The following FBXO32 variants were observed in gnomAD, a reference collection of about 807,000 sequenced individuals.
The protein encoded by FBXO32 is F-box only protein 32.
Under a neutral mutation model 48.3 loss-of-function variants are expected in FBXO32, and 15 were observed. The ratio of observed to expected loss-of-function variants is 0.31; its 90% CI spans 0.21 to 0.48. The LOEUF (loss-of-function observed/expected upper bound fraction) is 0.48. Ranked by LOEUF, FBXO32 falls within the 20% of genes least tolerant of loss-of-function variation. The probability of loss-of-function intolerance (pLI) is 0.99; values close to 1 mark genes in which losing one functional copy is unlikely to be tolerated. For missense variants in FBXO32, 309 were observed against 432.7 expected (o/e 0.71, Z 2.54); for synonymous variants, 154 against 165.9 (o/e 0.93, Z 0.55).
chr8:123,526,681 T>C (rs1447115621), intron 4 of FBXO32, among the ~76,000 whole-genome samples: 1 of 152,208 alleles, frequency 6.6e-6, no homozygotes, highest in East Asian at 1.9e-4. Context: ...CACATTTTCC[T>C]TGAAGTCTTT....
chr8:123,521,667 G>T lies in FBXO32; in HGVS notation c.373-7334C>A, dbSNP rs181647849. 2.0e-5 allele frequency among the ~76,000 whole-genome samples: 3 copies of T among 152,130 alleles called. No individual in the cohort carries two copies. The East Asian group carries it at 5.8e-4, about 29-fold the overall frequency. The stretch of plus-strand genomic sequence containing the variant: ...TGCTCTATCATTCTCATACAGAATT[G>T]TTAAGAATGAGAACACAATTTATCC... On this transcript the variant is annotated intron_variant, in intron 4 of 8. Coordinates refer to ENST00000517956, the MANE Select transcript of FBXO32 (RefSeq NM_058229.4).
intron 1 of FBXO32, among the ~76,000 whole-genome samples, chr8:123,535,207 T>A (rs1817287055): frequency 6.6e-6 from 1 of 152,140 alleles, no homozygotes; most frequent in South Asian, 2.1e-4. Flanking sequence ...AATGCCTTCA[T>A]TTTGCAAAAG....
intron 4 of FBXO32, among the ~76,000 whole-genome samples, chr8:123,520,949 C>A (rs1240963593): frequency 6.6e-6 from 1 of 152,198 alleles, no homozygotes; most frequent in Non-Finnish European, 1.5e-5. Flanking sequence ...CACCTCTGGG[C>A]CTTTGCCTCT....
chr8:123,532,030 T>G (rs773805423), intron 3 of FBXO32, 40 bp from the exon 4 acceptor site: 3 of 1,611,636 alleles, frequency 1.9e-6, no homozygotes, highest in Non-Finnish European at 2.5e-6. Context: ...ACTCCTGCCA[T>G]GCAGAGGTCA....
chr8:123,514,288 T>C lies in FBXO32; in HGVS notation c.418A>G (p.Ile140Val), dbSNP rs762498343. The C allele has an allele frequency of 6.2e-7, 1 of 1,613,620 alleles. No homozygotes were observed. Among genetic ancestry groups the C allele is most frequent in the South Asian group, 1.1e-5 (1 of 90,860 alleles). Residue 140 changes from isoleucine to valine, a missense_variant, in exon 5 of 9, where the codon ATC becomes GTC. Physicochemically the swap from Ile to Val is conservative, Grantham distance 29. Coordinates refer to ENST00000517956, the MANE Select transcript of FBXO32 (RefSeq NM_058229.4). ...ATATTCATGAAGTTCTTTTGGGCGATGCCACTCAGGGATGTGAGCTGTGAC... is the reference window on the plus strand; with the variant it reads ...ATATTCATGAAGTTCTTTTGGGCGACGCCACTCAGGGATGTGAGCTGTGAC... ...AKSQLTSLSGIAQKNFMNILE... is the reference protein window; with the variant it reads ...AKSQLTSLSGVAQKNFMNILE...
rs1245305173 is a variant in FBXO32, at chr8:123,517,472, C to T, written c.373-3139G>A. Among the ~76,000 whole-genome samples the T allele has an allele frequency of 3.8e-5, 5 of 131,364 alleles. No individual in the cohort carries two copies. In the East Asian group the frequency reaches 1.3e-3, roughly 34 times the overall value. 86.2% of individuals were successfully genotyped at this position (131,364 alleles called of 152,430 possible). A position where few individuals can be genotyped will look rare whatever the true frequency, so the allele number is the denominator to read the frequency against. On this transcript the variant is annotated intron_variant, in intron 4 of 8. Coordinates refer to ENST00000517956, the MANE Select transcript of FBXO32 (RefSeq NM_058229.4). Reference sequence around the variant, plus strand: ...CATCCTATCTCAAGGGAAAGTCCCCCCTACCTTTTTTTTTTTTTTTAACTG... The same window carrying T: ...CATCCTATCTCAAGGGAAAGTCCCCTCTACCTTTTTTTTTTTTTTTAACTG...
intron 4 of FBXO32, among the ~76,000 whole-genome samples, chr8:123,526,768 T>G (rs1398086600): frequency 6.6e-6 from 1 of 152,212 alleles, no homozygotes; most frequent in Non-Finnish European, 1.5e-5. Context: ...TCTTGGTTCT[T>G]TTCAAATTCA....
At chr8:123,520,791 C>T (rs1338009339) in intron 4 of FBXO32, among the ~76,000 whole-genome samples, 1 of 152,164 alleles carries the variant, frequency 6.6e-6, no homozygotes, top group East Asian at 1.9e-4. Context: ...CTTCTCCTTG[C>T]GCTTAGGAAA....
intron 1 of FBXO32, among the ~76,000 whole-genome samples, chr8:123,538,421 T>G (rs1335999954): frequency 6.6e-6 from 1 of 152,176 alleles, no homozygotes; most frequent in Non-Finnish European, 1.5e-5. Context: ...CCCTCCCCGC[T>G]TAAGGGCCTG....
At position 123,498,364 on chromosome 8, in the gene FBXO32, T is replaced by C. The variant is rs939788805; in HGVS notation, c.*5009A>G. 6.6e-6 allele frequency: 1 copy of C among 152,228 alleles called. No individual in the cohort carries two copies. Among genetic ancestry groups the C allele is most frequent in the Admixed American group, 6.5e-5 (1 of 15,280 alleles). 9.4% of individuals were successfully genotyped at this position (152,228 alleles called of 1,614,324 possible). A position where few individuals can be genotyped will look rare whatever the true frequency, so the allele number is the denominator to read the frequency against. On this transcript the variant is annotated 3_prime_UTR_variant, in exon 9 of 9. Transcript: ENST00000517956. ...ATGTAGCAGATGGAGTTTTAAGAAGTTCAGAGTTTTGGAGCAGCCATCATT... is the reference window on the plus strand; with the variant it reads ...ATGTAGCAGATGGAGTTTTAAGAAGCTCAGAGTTTTGGAGCAGCCATCATT...
At chr8:123,527,495 G>C (rs563759679) in intron 4 of FBXO32, among the ~76,000 whole-genome samples, 1 of 152,222 alleles carries the variant, frequency 6.6e-6, no homozygotes, top group African/African-American at 2.4e-5. Flanking sequence ...GGTAAATGTT[G>C]GTGTTTTCTG....
At chr8:123,537,713 T>TAA (rs1459777376) in intron 1 of FBXO32, among the ~76,000 whole-genome samples, 1 of 152,196 alleles carries the variant, frequency 6.6e-6, no homozygotes, top group African/African-American at 2.4e-5. Flanking sequence ...GCCTAGTGTA[T>TAA]AACGCTCATA....
chr8:123,498,335 A>AAT lies in FBXO32; in HGVS notation c.*5036_*5037dup, dbSNP rs1374879008. On this transcript the variant is annotated 3_prime_UTR_variant, in exon 9 of 9. Coordinates refer to ENST00000517956, the MANE Select transcript of FBXO32 (RefSeq NM_058229.4). ...GAAAAAGTCATGTTTAAACTCCAGA[A>AAT]ATAATGTAGCAGATGGAGTTTTAAG... The AAT allele has an allele frequency of 1.3e-5, 2 of 152,208 alleles. No individual in the cohort carries two copies. The highest frequency in any genetic ancestry group is 4.8e-5 in the African/African-American group (2 of 41,448). The allele number at this position is 152,208 out of a possible 1,614,324, so 9.4% of individuals were successfully genotyped here.
At chr8:123,521,662 G>T (rs1272749026) in intron 4 of FBXO32, among the ~76,000 whole-genome samples, 1 of 151,962 alleles carries the variant, frequency 6.6e-6, no homozygotes. Flanking sequence ...TTCTCATACA[G>T]AATTGTTAAG....
rs1816450047 is a variant in FBXO32 at position 123,500,094 on chromosome 8, T to A, written c.*3279A>T. ...ATTCAACTGATTTGTCTGCTCAAAG[T>A]AACAGCATTGAGTGATAATGCAATC... On this transcript the variant is annotated 3_prime_UTR_variant, in exon 9 of 9. Coordinates refer to ENST00000517956, the MANE Select transcript of FBXO32 (RefSeq NM_058229.4). 6.6e-6 allele frequency: 1 copy of A among 152,246 alleles called. No individual in the cohort carries two copies. The highest frequency in any genetic ancestry group is 2.4e-5 in the African/African-American group (1 of 41,462). 9.4% of individuals were successfully genotyped at this position (152,246 alleles called of 1,614,324 possible). A position where few individuals can be genotyped will look rare whatever the true frequency, so the allele number is the denominator to read the frequency against.
At chr8:123,517,937 G>C (rs1324510470) in intron 4 of FBXO32, among the ~76,000 whole-genome samples, 4 of 152,166 alleles carry the variant, frequency 2.6e-5, no homozygotes, top group Non-Finnish European at 5.9e-5. Context: ...TTTCTGCAAA[G>C]TGCCAAACAG....
intron 4 of FBXO32, among the ~76,000 whole-genome samples, chr8:123,518,996 T>A (rs747436006): frequency 6.6e-6 from 1 of 152,080 alleles, no homozygotes; most frequent in African/African-American, 2.4e-5. Context: ...TAATTTTTTT[T>A]ATTTCTATTT....
At chr8:123,529,843 C>A (rs183584831) in intron 4 of FBXO32, among the ~76,000 whole-genome samples, 1 of 152,254 alleles carries the variant, frequency 6.6e-6, no homozygotes, top group East Asian at 1.9e-4. Flanking sequence ...TGCTTTATTT[C>A]TTGTAAAAGG....
intron 4 of FBXO32, among the ~76,000 whole-genome samples, chr8:123,528,807 A>G (rs1817141842): frequency 6.6e-6 from 1 of 152,206 alleles, no homozygotes; most frequent in South Asian, 2.1e-4. Context: ...CAGAAAATGT[A>G]TTTGGCTCTC....
Sources: allele counts gnomAD v4.1 joint callset (sites outside exome capture counted in the v4.1 genomes callset), GRCh38; gene constraint gnomAD v4.1.1; transcripts MANE v1.5; gene names NCBI Gene and HGNC (gene_info 2026-07-23, HGNC 2026-07-21).